SLC17A5: variants seen among roughly 807,000 people sequenced by gnomAD.
SLC17A5 encodes the protein solute carrier family 17 member 5.
Under a neutral mutation model 59.4 loss-of-function variants are expected in SLC17A5, and 47 were observed. The observed-to-expected ratio is 0.79, with a 90% CI of 0.63 to 1.01. The LOEUF (loss-of-function observed/expected upper bound fraction) is 1.01, where lower values mean the gene tolerates loss of function less well. SLC17A5 is among the 50% of genes least tolerant of loss of function. SLC17A5 has a pLI of 0.00. For missense variants in SLC17A5, 522 were observed against 595.5 expected (o/e 0.88, Z 1.28); for synonymous variants, 202 against 210.7 (o/e 0.96, Z 0.36).
At chr6:73,630,436 T>C (rs4032316) in intron 6 of SLC17A5, among the ~76,000 whole-genome samples, 66,722 of 152,102 alleles carry the variant, frequency 0.44, 15,612 homozygotes, top group African/African-American at 0.59. Flanking sequence ...AGAAAACATT[T>C]GAACTGCAAC....
chr6:73,594,948 A>T lies in SLC17A5; in HGVS notation c.*129T>A. The T allele has an allele frequency of 1.1e-6, 1 of 940,964 alleles. No individual in the cohort carries two copies. Among genetic ancestry groups the T allele is most frequent in the Non-Finnish European group, 1.7e-6 (1 of 588,484 alleles). 58.3% of individuals were successfully genotyped at this position (940,964 alleles called of 1,614,324 possible). On this transcript the variant is annotated 3_prime_UTR_variant, in exon 11 of 11. Transcript: ENST00000355773. Reference sequence around the variant, plus strand: ...GCAACTAGTGATATTTCATGATTATAGGCCTTAAAAATCTAATACAAGTAC... The same window carrying T: ...GCAACTAGTGATATTTCATGATTATTGGCCTTAAAAATCTAATACAAGTAC...
At chr6:73,652,159 T>TA (rs1310051562) in intron 1 of SLC17A5, among the ~76,000 whole-genome samples, 2 of 151,880 alleles carry the variant, frequency 1.3e-5, no homozygotes, top group East Asian at 3.9e-4. Context: ...AGAGGGAAAA[T>TA]AAAAAAGGAA....
intron 6 of SLC17A5, among the ~76,000 whole-genome samples, chr6:73,627,631 ATT>A (rs10586058): frequency 2.8e-5 from 4 of 143,386 alleles, no homozygotes; most frequent in Non-Finnish European, 3.1e-5. Flanking sequence ...TTATGAAAGC[ATT>A]TTTTTTTTTT....
chr6:73,628,618 T>A (rs751685873), intron 6 of SLC17A5, among the ~76,000 whole-genome samples: 13 of 109,504 alleles, frequency 1.2e-4, no homozygotes, highest in Non-Finnish European at 2.1e-4. Context: ...GCAAAAAAAT[T>A]TAAAATTGCT....
intron 3 of SLC17A5, among the ~76,000 whole-genome samples, chr6:73,641,477 G>T (rs1049674500): frequency 6.6e-5 from 10 of 152,110 alleles, no homozygotes; most frequent in African/African-American, 2.2e-4. Flanking sequence ...TTGAGTAAAG[G>T]TTCCAATTTC....
intron 6 of SLC17A5, 135 bp from the exon 7 acceptor site, chr6:73,622,097 C>G (rs1768179834): frequency 3.9e-6 from 3 of 769,698 alleles, no homozygotes; most frequent in Admixed American, 5.1e-5. Flanking sequence ...TTTAAATCAA[C>G]TCCTTTGAAA....
At chr6:73,605,810 T>C (rs1404478423) in intron 9 of SLC17A5, among the ~76,000 whole-genome samples, 1 of 151,814 alleles carries the variant, frequency 6.6e-6, no homozygotes, top group Non-Finnish European at 1.5e-5. Flanking sequence ...AAACTCCCTC[T>C]CTACTAAAAA....
intron 6 of SLC17A5, among the ~76,000 whole-genome samples, chr6:73,634,523 C>T (rs1768910041): frequency 6.6e-6 from 1 of 152,178 alleles, no homozygotes; most frequent in Admixed American, 6.5e-5. Context: ...TCTCAGCCTC[C>T]CGAGTAGCTG....
chr6:73,652,186 T>C (rs1344964776), intron 1 of SLC17A5, among the ~76,000 whole-genome samples: 1 of 152,220 alleles, frequency 6.6e-6, no homozygotes, highest in Non-Finnish European at 1.5e-5. Context: ...GTAACAAACG[T>C]AGCCACCTAA....
At chr6:73,596,349 G>T (rs546313939) in intron 10 of SLC17A5, among the ~76,000 whole-genome samples, 1 of 152,210 alleles carries the variant, frequency 6.6e-6, no homozygotes, top group East Asian at 1.9e-4. Flanking sequence ...ATCAGAGAGA[G>T]GCCTGGCAAG....
At chr6:73,651,744 C>T (rs115269004) in intron 1 of SLC17A5, among the ~76,000 whole-genome samples, 40 of 151,872 alleles carry the variant, frequency 2.6e-4, no homozygotes, top group African/African-American at 9.4e-4. Context: ...GCGTTTCAGG[C>T]GTTTCACCTT....
chr6:73,628,845 T>C (rs1240995690), intron 6 of SLC17A5, among the ~76,000 whole-genome samples: 1 of 152,144 alleles, frequency 6.6e-6, no homozygotes, highest in African/African-American at 2.4e-5. Context: ...GTGTGAAATA[T>C]AGAGGGTAAG....
At chr6:73,634,171 A>G (rs1370692853) in intron 6 of SLC17A5, among the ~76,000 whole-genome samples, 1 of 152,126 alleles carries the variant, frequency 6.6e-6, no homozygotes, top group East Asian at 1.9e-4. Flanking sequence ...TCTGGTTTTA[A>G]TAAGATATAA....
intron 1 of SLC17A5, among the ~76,000 whole-genome samples, chr6:73,646,176 T>C (rs1047188508): frequency 6.6e-6 from 1 of 152,210 alleles, no homozygotes; most frequent in African/African-American, 2.4e-5. Flanking sequence ...AATGTGTGTA[T>C]GTTTTTCCCC....
intron 8 of SLC17A5, among the ~76,000 whole-genome samples, chr6:73,614,267 A>G (rs1342312271): frequency 1.3e-5 from 2 of 152,056 alleles, no homozygotes; most frequent in Non-Finnish European, 2.9e-5. Context: ...CCCTGTCTCA[A>G]GAAAAAAAAT....
intron 6 of SLC17A5, among the ~76,000 whole-genome samples, chr6:73,624,320 CTTG>C (rs1768298462): frequency 6.6e-6 from 1 of 152,086 alleles, no homozygotes; most frequent in Non-Finnish European, 1.5e-5. Flanking sequence ...ATGAGAATTG[CTTG>C]AACCCGGGAG....
intron 9 of SLC17A5, among the ~76,000 whole-genome samples, chr6:73,604,311 A>C (rs1370395056): frequency 1.3e-5 from 2 of 152,186 alleles, no homozygotes; most frequent in African/African-American, 4.8e-5. Flanking sequence ...ACAGGCCATG[A>C]AAGATTGATG....
intron 1 of SLC17A5, among the ~76,000 whole-genome samples, chr6:73,650,814 C>A (rs999626689): frequency 3.9e-5 from 6 of 152,154 alleles, no homozygotes; most frequent in African/African-American, 9.6e-5. Flanking sequence ...AGGGCAGGAG[C>A]TTTTGTTCTG....
Position 73,653,976 on chromosome 6 carries a change from C to G in SLC17A5, c.-90G>C. 2 of 1,208,986 alleles carry G rather than the reference C, an allele frequency of 1.7e-6. No homozygotes were observed. The highest frequency in any genetic ancestry group is 2.6e-5 in the South Asian group (2 of 76,310). The allele number at this position is 1,208,986 out of a possible 1,614,324, so 74.9% of individuals were successfully genotyped here. ...AAGCCCCCGGGCCGAGCTGGCTGGA[C>G]CGGGCGGGGCGGGGGCGATGACACC... On this transcript the variant is annotated 5_prime_UTR_variant, in exon 1 of 11. Coordinates refer to ENST00000355773, the MANE Select transcript of SLC17A5 (RefSeq NM_012434.5).
Sources: allele counts gnomAD v4.1 joint callset (sites outside exome capture counted in the v4.1 genomes callset), GRCh38; gene constraint gnomAD v4.1.1; transcripts MANE v1.5; gene names NCBI Gene and HGNC (gene_info 2026-07-23, HGNC 2026-07-21).